Variants in CRYZ observed in about 807,000 individuals in gnomAD.
CRYZ encodes crystallin zeta, also known as zeta-crystallin.
CRYZ carries 35 observed loss-of-function variants against 34.1 expected under a neutral mutation model. The ratio of observed to expected loss-of-function variants is 1.03; its 90% CI spans 0.78 to 1.36. CRYZ has a LOEUF of 1.36. Among genes scored for constraint, CRYZ ranks in the 40% most tolerant of loss-of-function variants. CRYZ has a pLI of 0.00. For missense variants in CRYZ, 403 were observed against 391.8 expected (o/e 1.03, Z -0.24); for synonymous variants, 137 against 136.5 (o/e 1.00, Z -0.03).
chr1:74,714,830 A>C (rs58387974), intron 4 of CRYZ, among the ~76,000 whole-genome samples, 200 bp from the exon 5 acceptor site: 4,438 of 152,232 alleles, frequency 0.029, 220 homozygotes, highest in African/African-American at 0.1. Flanking sequence ...TCCTTGAACA[A>C]ATATTTATTG....
chr1:74,721,933 A>G (rs1227559203), intron 3 of CRYZ, among the ~76,000 whole-genome samples: 1 of 152,214 alleles, frequency 6.6e-6, no homozygotes, highest in Non-Finnish European at 1.5e-5. Context: ...AGAGTGACTC[A>G]GGAACTGAAT....
intron 3 of CRYZ, among the ~76,000 whole-genome samples, chr1:74,720,289 A>C (rs1399819507): frequency 6.6e-6 from 1 of 150,486 alleles, no homozygotes; most frequent in Non-Finnish European, 1.5e-5. Context: ...AAGGCAGAAA[A>C]CCATACTAGG....
intron 5 of CRYZ, among the ~76,000 whole-genome samples, chr1:74,711,903 C>G (rs12407803): frequency 6.6e-6 from 1 of 151,902 alleles, no homozygotes; most frequent in East Asian, 1.9e-4. Flanking sequence ...CATTATCTTA[C>G]GGATGGTATT....
rs1232879714 is a variant in CRYZ at position 74,706,182 on chromosome 1, T to G, written c.*114A>C. 26 of 935,604 alleles carry G rather than the reference T, an allele frequency of 2.8e-5. No individual in the cohort carries two copies. Among genetic ancestry groups the G allele is most frequent in the Non-Finnish European group, 3.4e-5 (22 of 648,878 alleles). The allele number at this position is 935,604 out of a possible 1,614,324, so 58.0% of individuals were successfully genotyped here. Reference sequence around the variant, plus strand: ...GCTCTCTAAAGAAAAATCTTATTTTTTCACATAAGAAGCTCATGGAATCGA... The same window carrying G: ...GCTCTCTAAAGAAAAATCTTATTTTGTCACATAAGAAGCTCATGGAATCGA... On this transcript the variant is annotated 3_prime_UTR_variant, in exon 9 of 9. Transcript: ENST00000340866.
rs763123707 is a variant in CRYZ at position 74,706,962 on chromosome 1, G to T, written c.765C>A (p.Asn255Lys). 1 of 1,612,528 alleles carries T rather than the reference G, an allele frequency of 6.2e-7. No individual in the cohort carries two copies. Among genetic ancestry groups the T allele is most frequent in the African/African-American group, 1.3e-5 (1 of 74,856 alleles). ...VVGSRGTIEI[N>K]PRDTMAKESS... ...ACTCCTTTGCCATGGTGTCTCGTGG[G>T]TTTATTTCAATAGTACCTCTGCTGC... Residue 255 changes from asparagine to lysine, a missense_variant, in exon 8 of 9, where the codon AAC (asparagine) becomes AAA (lysine). Coordinates refer to ENST00000340866, the MANE Select transcript of CRYZ (RefSeq NM_001889.4).
chr1:74,726,503 C>T (rs28804147), intron 1 of CRYZ, among the ~76,000 whole-genome samples: 30,973 of 152,126 alleles, frequency 0.2, 4,425 homozygotes, highest in East Asian at 0.71. Flanking sequence ...GCCCTGGGCC[C>T]GGCCCAGGAA....
intron 1 of CRYZ, among the ~76,000 whole-genome samples, chr1:74,726,856 T>C (rs138509918): frequency 2.8e-4 from 43 of 152,342 alleles, no homozygotes; most frequent in African/African-American, 9.6e-4. Flanking sequence ...TAGAAATTTC[T>C]TCAGCCAGAT....
At chr1:74,721,491 A>C (rs1647162956) in intron 3 of CRYZ, among the ~76,000 whole-genome samples, 1 of 152,228 alleles carries the variant, frequency 6.6e-6, no homozygotes. Context: ...GAATGAAAAC[A>C]GAGGTGTAAA....
chr1:74,723,809 C>G (rs1263312284), intron 2 of CRYZ, among the ~76,000 whole-genome samples: 1 of 152,190 alleles, frequency 6.6e-6, no homozygotes. Context: ...AGAACAGCTA[C>G]CCACCCACAT....
At chr1:74,714,356 A>G (rs72968196) in intron 5 of CRYZ, among the ~76,000 whole-genome samples, 50 of 152,298 alleles carry the variant, frequency 3.3e-4, no homozygotes, top group African/African-American at 1.2e-3. Context: ...AAAATCTAAC[A>G]TATTTTTGAA....
intron 1 of CRYZ, among the ~76,000 whole-genome samples, chr1:74,729,981 C>A (rs1647619836): frequency 6.6e-6 from 1 of 152,170 alleles, no homozygotes; most frequent in African/African-American, 2.4e-5. Context: ...CTCACACCTA[C>A]ACACATAGCC....
intron 1 of CRYZ, among the ~76,000 whole-genome samples, chr1:74,729,999 T>C (rs181339008): frequency 6.6e-6 from 1 of 152,230 alleles, no homozygotes; most frequent in Non-Finnish European, 1.5e-5. Context: ...GCCTATGAGA[T>C]GCTTGCTTTT....
chr1:74,724,181 T>G (rs1249636910), intron 2 of CRYZ, among the ~76,000 whole-genome samples: 1 of 152,122 alleles, frequency 6.6e-6, no homozygotes, highest in African/African-American at 2.4e-5. Flanking sequence ...ATAGGTTATA[T>G]CCAAACTGTA....
chr1:74,721,685 C>T (rs896812143), intron 3 of CRYZ, among the ~76,000 whole-genome samples: 1 of 152,096 alleles, frequency 6.6e-6, no homozygotes, highest in Non-Finnish European at 1.5e-5. Context: ...TAAGGGAAAG[C>T]GAGGAGTAAT....
At chr1:74,711,142 G>A (rs1002142842) in intron 5 of CRYZ, among the ~76,000 whole-genome samples, 1 of 152,146 alleles carries the variant, frequency 6.6e-6, no homozygotes, top group African/African-American at 2.4e-5. Flanking sequence ...AGGGAGGGGC[G>A]TGTACGAAAG....
chr1:74,718,935 A>C (rs1647114286), intron 4 of CRYZ, among the ~76,000 whole-genome samples: 1 of 152,130 alleles, frequency 6.6e-6, no homozygotes, highest in Admixed American at 6.6e-5. Context: ...CATCTCTACC[A>C]CTGTACTTTC....
chr1:74,724,900 CT>C (rs1647258746), intron 1 of CRYZ, 66 bp from the exon 2 acceptor site: 2 of 888,764 alleles, frequency 2.3e-6, no homozygotes, highest in East Asian at 2.5e-5. Flanking sequence ...TTTTTCCCCC[CT>C]GGAGGGAGCA....
In CRYZ at chr1:74,707,663, G is replaced by A. The variant is rs142810516; in HGVS notation, c.631-459C>T. On this transcript the variant is annotated intron_variant, in intron 6 of 8. Transcript: ENST00000340866. Reference sequence around the variant, plus strand: ...TTGTTGTTTTAGTGCATTTGGTTTTGTTCTAAATGGTTTATCATCTGTTTG... The same window carrying A: ...TTGTTGTTTTAGTGCATTTGGTTTTATTCTAAATGGTTTATCATCTGTTTG... 3.6e-3 allele frequency: 552 copies of A among 153,108 alleles called. 2 individuals carry two copies. The highest frequency in any genetic ancestry group is 5.8e-3 in the Non-Finnish European group (401 of 68,672). 9.5% of individuals were successfully genotyped at this position (153,108 alleles called of 1,614,324 possible).
intron 6 of CRYZ, 150 bp downstream of exon 6, chr1:74,709,948 A>ATT (rs5775259): frequency 2.1e-5 from 13 of 618,894 alleles, no homozygotes; most frequent in Admixed American, 6.1e-5. Context: ...TGTTTTTTAA[A>ATT]TAAAGTTTTA....
Sources: allele counts gnomAD v4.1 joint callset (sites outside exome capture counted in the v4.1 genomes callset), GRCh38; gene constraint gnomAD v4.1.1; transcripts MANE v1.5; gene names NCBI Gene and HGNC (gene_info 2026-07-23, HGNC 2026-07-21).